SLC39A11: variants seen among roughly 807,000 people sequenced by gnomAD.
SLC39A11 encodes the protein zinc transporter ZIP11.
A neutral mutation model predicts 36.1 loss-of-function variants in SLC39A11; 33 were observed. The ratio of observed to expected loss-of-function variants is 0.91; its 90% CI spans 0.69 to 1.22. SLC39A11 has a LOEUF of 1.22. Ranked by LOEUF, SLC39A11 falls within the 50% of genes most tolerant of loss-of-function variation. The pLI, the probability that SLC39A11 is intolerant of heterozygous loss-of-function variation, is 0.00. For synonymous variants in SLC39A11, 166 were observed against 170.3 expected (o/e 0.97, Z 0.20); for missense variants, 432 against 430.3 (o/e 1.00, Z -0.03).
chr17:72,648,327 CATTAAAAAA>C (rs1433731460), intron 9 of SLC39A11, among the ~76,000 whole-genome samples: 1 of 80,632 alleles, frequency 1.2e-5, no homozygotes, highest in Non-Finnish European at 2.6e-5. Context: ...GAGACTCTGC[CATTAAAAAA>C]AAAAAAAAAA....
At chr17:72,726,523 A>AAC (rs143785207) in intron 7 of SLC39A11, among the ~76,000 whole-genome samples, 9 of 151,510 alleles carry the variant, frequency 5.9e-5, no homozygotes, top group South Asian at 2.1e-4. Flanking sequence ...CACACACACA[A>AAC]ACACACACAC....
intron 7 of SLC39A11, among the ~76,000 whole-genome samples, chr17:72,670,206 CACACACAT>C (rs753991975): frequency 0.028 from 2,025 of 71,288 alleles, 26 homozygotes; most frequent in South Asian, 0.095. Context: ...CACACACACA[CACACACAT>C]ATATATATAT....
intron 5 of SLC39A11, among the ~76,000 whole-genome samples, chr17:72,937,912 G>A (rs144228710): frequency 1.8e-4 from 27 of 152,250 alleles, no homozygotes; most frequent in African/African-American, 6.0e-4. Flanking sequence ...CCATCCTCCC[G>A]GAATGCCTCT....
chr17:72,848,719 T>C (rs1182150919), intron 6 of SLC39A11, among the ~76,000 whole-genome samples: 1 of 78,130 alleles, frequency 1.3e-5, no homozygotes, highest in South Asian at 4.9e-4. Context: ...AGACTCTGTC[T>C]TAAAAAAAAA....
chr17:72,994,480 A>C (rs535529244), intron 4 of SLC39A11, among the ~76,000 whole-genome samples: 34 of 152,300 alleles, frequency 2.2e-4, no homozygotes, highest in Middle Eastern at 3.4e-3. Flanking sequence ...ATTGATCAAG[A>C]GGGGAATACA....
At chr17:72,883,180 G>A (rs1031576057) in intron 5 of SLC39A11, among the ~76,000 whole-genome samples, 4 of 152,172 alleles carry the variant, frequency 2.6e-5, no homozygotes, top group Non-Finnish European at 5.9e-5. Context: ...ACATAAGCAT[G>A]GGCGCATGTG....
intron 3 of SLC39A11, among the ~76,000 whole-genome samples, chr17:73,083,388 G>C (rs748666158): frequency 6.6e-6 from 1 of 152,192 alleles, no homozygotes; most frequent in Non-Finnish European, 1.5e-5. Context: ...TACTGACTCA[G>C]ATGGCCTCTG....
chr17:72,970,180 A>G (rs1224073069), intron 4 of SLC39A11, among the ~76,000 whole-genome samples: 6 of 152,252 alleles, frequency 3.9e-5, no homozygotes, highest in Admixed American at 6.5e-5. Context: ...GGTCACGGTC[A>G]TTTGGTGGAG....
chr17:72,758,354 T>C (rs2075442141), intron 6 of SLC39A11, among the ~76,000 whole-genome samples: 1 of 152,250 alleles, frequency 6.6e-6, no homozygotes, highest in Non-Finnish European at 1.5e-5. Flanking sequence ...TCTAGCTACA[T>C]GTGGCATGCT....
intron 3 of SLC39A11, among the ~76,000 whole-genome samples, chr17:73,052,365 A>G (rs1312464406): frequency 6.6e-6 from 1 of 152,174 alleles, no homozygotes; most frequent in Non-Finnish European, 1.5e-5. Context: ...CTAAAACTGC[A>G]AAAACAACCG....
At chr17:72,985,407 CTT>C (rs386386576) in intron 4 of SLC39A11, among the ~76,000 whole-genome samples, 2 of 78,928 alleles carry the variant, frequency 2.5e-5, no homozygotes, top group African/African-American at 1.0e-4. Context: ...TGGGGCCTGC[CTT>C]TTTTTTTTTT....
At chr17:72,831,241 T>C (rs1412133295) in intron 6 of SLC39A11, among the ~76,000 whole-genome samples, 1 of 152,028 alleles carries the variant, frequency 6.6e-6, no homozygotes, top group Non-Finnish European at 1.5e-5. Context: ...TCTCTGGGAA[T>C]GACAGCTCTG....
rs2085893051 is a variant in SLC39A11, at chr17:72,951,958, G to A, written c.307-4083C>T. Among the ~76,000 whole-genome samples the A allele has an allele frequency of 3.3e-5, 5 of 152,030 alleles. No individual in the cohort carries two copies. In the South Asian group the frequency reaches 1.0e-3, roughly 32 times the overall value. On this transcript the variant is annotated intron_variant, in intron 4 of 9. Transcript: ENST00000255559. ...CATTGCTTTATTTCGGCGTTTTCGG[G>A]GCAGGGAGACGAGCACTAAGAAAAT...
chr17:73,031,380 C>A (rs558620868), intron 4 of SLC39A11, among the ~76,000 whole-genome samples, 176 bp downstream of exon 4: 14 of 152,212 alleles, frequency 9.2e-5, no homozygotes, highest in African/African-American at 3.4e-4. Flanking sequence ...ATTACCAAGA[C>A]ATTACTTTAA....
chr17:72,794,816 G>A (rs758413757), intron 6 of SLC39A11, among the ~76,000 whole-genome samples: 7 of 151,884 alleles, frequency 4.6e-5, no homozygotes, highest in African/African-American at 7.3e-5. Context: ...GTATAACAAG[G>A]TACCCAACAT....
chr17:72,850,494 A>G (rs1293903609), intron 5 of SLC39A11, among the ~76,000 whole-genome samples: 1 of 152,002 alleles, frequency 6.6e-6, no homozygotes, highest in African/African-American at 2.4e-5. Flanking sequence ...ACAGGCATTC[A>G]GTGCCCAATG....
chr17:72,955,723 T>G (rs1277530110), intron 4 of SLC39A11, among the ~76,000 whole-genome samples: 3 of 152,052 alleles, frequency 2.0e-5, no homozygotes, highest in African/African-American at 7.2e-5. Context: ...TTCAATTAAT[T>G]TATCTGAACG....
rs779431616 is a variant in SLC39A11 at position 73,066,581 on chromosome 17, C to A, written c.147+18227G>T. On this transcript the variant is annotated intron_variant, in intron 3 of 9. Coordinates refer to ENST00000255559, the MANE Select transcript of SLC39A11 (RefSeq NM_139177.4). ...AATGGTGGGAGGAGGGAGAACAGGACACATGGCCCAGGCTTGGCCATTAAT... is the reference window on the plus strand; with the variant it reads ...AATGGTGGGAGGAGGGAGAACAGGAAACATGGCCCAGGCTTGGCCATTAAT... Among the ~76,000 whole-genome samples the A allele has an allele frequency of 2.6e-5, 4 of 152,196 alleles. No individual in the cohort carries two copies. In the East Asian group the frequency reaches 7.7e-4, roughly 29 times the overall value.
intron 4 of SLC39A11, among the ~76,000 whole-genome samples, chr17:73,024,864 A>ATTTTTTTTTTTTTTTTTTTTTTTTTT (rs1163840820): frequency 1.0e-5 from 1 of 97,900 alleles, no homozygotes. Flanking sequence ...TGCCCAGCTA[A>ATTTTTTTTTTTTTTTTTTTTTTTTTT]TTTTTTTTTT....
Sources: gnomAD v4.1 joint callset for allele counts (sites outside exome capture counted in the v4.1 genomes callset) on GRCh38, gnomAD v4.1.1 for gene constraint, MANE v1.5 for transcripts, NCBI Gene and HGNC (gene_info 2026-07-23, HGNC 2026-07-21) for gene names.